MACROD2: variants seen among roughly 807,000 people sequenced by gnomAD.
MACROD2 encodes the protein ADP-ribose glycohydrolase MACROD2.
A neutral mutation model predicts 70.4 loss-of-function variants in MACROD2; 36 were observed. That is an observed-to-expected ratio of 0.51 (90% CI 0.39 to 0.68). MACROD2 has a LOEUF of 0.68. Among genes scored for constraint, MACROD2 ranks in the 30% least tolerant of loss-of-function variants. The pLI is 0.00. For missense variants in MACROD2, 496 were observed against 538.4 expected (o/e 0.92, Z 0.78); for synonymous variants, 172 against 178.8 (o/e 0.96, Z 0.30).
chr20:15,763,573 A>G (rs2051473444), intron 8 of MACROD2, among the ~76,000 whole-genome samples: 1 of 152,222 alleles, frequency 6.6e-6, no homozygotes, highest in Non-Finnish European at 1.5e-5. Context: ...CTAGCAATGA[A>G]TATTTGATAC....
rs374928318 is a variant in MACROD2 at position 15,027,554 on chromosome 20, T to G, written c.419-202386T>G. On this transcript the variant is annotated intron_variant, in intron 5 of 17. Coordinates refer to ENST00000684519, the MANE Select transcript of MACROD2 (RefSeq NM_001351661.2). ...AATGTGGTGGTAGTGATGGTGGTGGTGGTGGGGGGAAATAATATCTATTTG... is the reference window on the plus strand; with the variant it reads ...AATGTGGTGGTAGTGATGGTGGTGGGGGTGGGGGGAAATAATATCTATTTG... Among the ~76,000 whole-genome samples the G allele has an allele frequency of 8.6e-3, 1,233 of 143,608 alleles. 18 individuals carry two copies. Among genetic ancestry groups the G allele is most frequent in the African/African-American group, 0.03 (1,181 of 39,638 alleles). 94.2% of individuals were successfully genotyped at this position (143,608 alleles called of 152,430 possible). A position where few individuals can be genotyped will look rare whatever the true frequency, so the allele number is the denominator to read the frequency against.
At chr20:15,428,931 T>C (rs1459733400) in intron 6 of MACROD2, among the ~76,000 whole-genome samples, 1 of 152,056 alleles carries the variant, frequency 6.6e-6, no homozygotes, top group Non-Finnish European at 1.5e-5. Context: ...ATGAGATACA[T>C]GATGCTCACA....
chr20:15,669,870 C>T lies in MACROD2; in HGVS notation c.645+170023C>T, dbSNP rs566353354. Among the ~76,000 whole-genome samples, 21 of 152,304 alleles carry T rather than the reference C, an allele frequency of 1.4e-4. No individual in the cohort carries two copies. The South Asian group carries it at 4.1e-3, about 30-fold the overall frequency. On this transcript the variant is annotated intron_variant, in intron 8 of 17. Coordinates refer to ENST00000684519, the MANE Select transcript of MACROD2 (RefSeq NM_001351661.2). ...GGGAAGACTGGAGTGCTACCAACAACTAGCTTTATGTTTTCCTTTATAAAC... is the reference window on the plus strand; with the variant it reads ...GGGAAGACTGGAGTGCTACCAACAATTAGCTTTATGTTTTCCTTTATAAAC...
chr20:14,967,987 A>T (rs2074654185), intron 5 of MACROD2, among the ~76,000 whole-genome samples: 1 of 152,286 alleles, frequency 6.6e-6, no homozygotes, highest in Admixed American at 6.5e-5. Context: ...GGTATAGGAC[A>T]GTTATTAATA....
chr20:15,573,099 C>T (rs11907728), intron 8 of MACROD2, among the ~76,000 whole-genome samples: 1 of 152,138 alleles, frequency 6.6e-6, no homozygotes, highest in South Asian at 2.1e-4. Context: ...AGAAATACCC[C>T]ACCATCCTAA....
At chr20:14,221,249 G>T (rs2081671240) in intron 3 of MACROD2, among the ~76,000 whole-genome samples, 1 of 152,146 alleles carries the variant, frequency 6.6e-6, no homozygotes, top group Non-Finnish European at 1.5e-5. Flanking sequence ...GAATGAGAGA[G>T]TCTTGAGTCT....
chr20:15,244,246 A>C (rs1306160041), intron 6 of MACROD2, among the ~76,000 whole-genome samples: 1 of 152,230 alleles, frequency 6.6e-6, no homozygotes, highest in East Asian at 1.9e-4. Context: ...AGAAACCAAC[A>C]AATGCTAAAA....
At chr20:15,691,822 C>G (rs771832708) in intron 8 of MACROD2, among the ~76,000 whole-genome samples, 19 of 152,128 alleles carry the variant, frequency 1.2e-4, no homozygotes, top group Non-Finnish European at 2.1e-4. Flanking sequence ...ACCGCTTTAT[C>G]CTATGTCATT....
chr20:15,682,665 C>G (rs539606177), intron 8 of MACROD2, among the ~76,000 whole-genome samples: 41 of 152,330 alleles, frequency 2.7e-4, no homozygotes, highest in African/African-American at 8.7e-4. Flanking sequence ...TCAAACAACA[C>G]ATTTAAAATT....
chr20:14,735,459 A>T (rs1358285849), intron 5 of MACROD2, among the ~76,000 whole-genome samples: 1 of 152,206 alleles, frequency 6.6e-6, no homozygotes, highest in African/African-American at 2.4e-5. Flanking sequence ...CACACCCCTG[A>T]TAATGGCAAA....
intron 5 of MACROD2, among the ~76,000 whole-genome samples, chr20:15,210,552 G>GT (rs11333280): frequency 0.096 from 11,635 of 121,490 alleles, 616 homozygotes; most frequent in Non-Finnish European, 0.11. Flanking sequence ...CTTTTCTTCT[G>GT]TTTTTTTTTT....
intron 12 of MACROD2, among the ~76,000 whole-genome samples, chr20:15,939,193 C>T (rs1474755539): frequency 6.6e-6 from 1 of 152,196 alleles, no homozygotes; most frequent in Non-Finnish European, 1.5e-5. Flanking sequence ...AAGGTGGCTA[C>T]ACTAAGCAAC....
At chr20:14,271,870 A>G (rs530177780) in intron 3 of MACROD2, among the ~76,000 whole-genome samples, 1,779 of 152,292 alleles carry the variant, frequency 0.012, 34 homozygotes, top group African/African-American at 0.041. Flanking sequence ...GAGCTGATGC[A>G]ATCAACTGGA....
At chr20:15,461,006 A>ATATATATATATATATTTTTTTTTTTTT in intron 7 of MACROD2, among the ~76,000 whole-genome samples, 7 of 66,984 alleles carry the variant, frequency 1.0e-4, no homozygotes, top group Admixed American at 1.8e-4. Flanking sequence ...ATATATATAT[A>ATATATATATATATATTTTTTTTTTTTT]TTTTTTTTTA....
At chr20:14,080,613 G>A (rs761952954) in intron 2 of MACROD2, among the ~76,000 whole-genome samples, 1 of 151,992 alleles carries the variant, frequency 6.6e-6, no homozygotes, top group Non-Finnish European at 1.5e-5. Flanking sequence ...AAGGAAGTGA[G>A]TGGAGAGAAA....
intron 3 of MACROD2, among the ~76,000 whole-genome samples, chr20:14,274,416 G>A (rs867327683): frequency 0.011 from 1,727 of 152,194 alleles, 27 homozygotes; most frequent in African/African-American, 0.039. Flanking sequence ...CTCAATAGAT[G>A]CAGAAAAGGC....
At chr20:15,055,496 A>G (rs577749857) in intron 5 of MACROD2, among the ~76,000 whole-genome samples, 1 of 152,336 alleles carries the variant, frequency 6.6e-6, no homozygotes, top group East Asian at 1.9e-4. Context: ...AAGACTGAAC[A>G]GATGTATTTT....
chr20:15,749,314 T>C (rs1407410847), intron 8 of MACROD2, among the ~76,000 whole-genome samples: 2 of 152,116 alleles, frequency 1.3e-5, no homozygotes, highest in Non-Finnish European at 2.9e-5. Flanking sequence ...GTGCAAGGAT[T>C]CTCAATCACT....
At chr20:15,699,664 A>G (rs1391431335) in intron 8 of MACROD2, among the ~76,000 whole-genome samples, 1 of 152,090 alleles carries the variant, frequency 6.6e-6, no homozygotes, top group African/African-American at 2.4e-5. Context: ...AAACTTGCCC[A>G]AGGCCATCCA....
Sources: allele counts gnomAD v4.1 joint callset (sites outside exome capture counted in the v4.1 genomes callset), GRCh38; gene constraint gnomAD v4.1.1; transcripts MANE v1.5; gene names NCBI Gene and HGNC (gene_info 2026-07-23, HGNC 2026-07-21).